The following REL variants were observed in gnomAD, a reference collection of about 807,000 sequenced individuals.
REL encodes the protein REL proto-oncogene, NF-kB subunit, also known as proto-oncogene c-Rel.
In REL, 15 loss-of-function variants were observed where a neutral mutation model predicts 45.9. The ratio of observed to expected loss-of-function variants is 0.33; its 90% CI spans 0.22 to 0.50. The LOEUF (loss-of-function observed/expected upper bound fraction) is 0.50. Among genes scored for constraint, REL ranks in the 20% least tolerant of loss-of-function variants. The probability of loss-of-function intolerance (pLI) is 0.98; values close to 1 mark genes in which losing one functional copy is unlikely to be tolerated. For missense variants in REL, 601 were observed against 715.2 expected (o/e 0.84, Z 1.82); for synonymous variants, 239 against 242.1 (o/e 0.99, Z 0.12).
intron 5 of REL, among the ~76,000 whole-genome samples, chr2:60,917,556 G>A (rs1490938484): frequency 6.8e-6 from 1 of 146,044 alleles, no homozygotes; most frequent in East Asian, 2.0e-4. Context: ...TGGAGACAGG[G>A]TCTCACTCTG....
At chr2:60,907,086 A>AT (rs1307017903) in intron 4 of REL, among the ~76,000 whole-genome samples, 1 of 149,704 alleles carries the variant, frequency 6.7e-6, no homozygotes, top group Non-Finnish European at 1.5e-5. Flanking sequence ...TGCCCAGCTA[A>AT]TTTTTTTTGT....
intron 1 of REL, among the ~76,000 whole-genome samples, chr2:60,889,427 C>G (rs536916888): frequency 7.2e-5 from 11 of 152,088 alleles, no homozygotes; most frequent in African/African-American, 2.7e-4. Flanking sequence ...TCATTGTTTT[C>G]AAGAAAGCAT....
At position 60,929,674 on chromosome 2, in the gene REL, TGGGGGGA is replaced by T. The variant is rs1347763112; in HGVS notation, c.*7150_*7156del. 9.7e-5 allele frequency: 6 copies of T among 62,064 alleles called. No individual in the cohort carries two copies. The highest frequency in any genetic ancestry group is 4.0e-4 in the African/African-American group (6 of 15,068). 3.8% of individuals were successfully genotyped at this position (62,064 alleles called of 1,614,324 possible). On this transcript the variant is annotated 3_prime_UTR_variant, in exon 10 of 10. Coordinates refer to ENST00000394479, the MANE Select transcript of REL (RefSeq NM_001291746.2). Reference sequence around the variant, plus strand: ...TATCACACTGGGGACTGTTGTGGGGTGGGGGGAGGGGGGAGGGATAGCATTGGGAGAT... The same window carrying T: ...TATCACACTGGGGACTGTTGTGGGGTGGGGGGAGGGATAGCATTGGGAGAT...
intron 4 of REL, among the ~76,000 whole-genome samples, chr2:60,906,857 ATGTG>A (rs55837992): frequency 0.26 from 35,951 of 139,750 alleles, 5,706 homozygotes; most frequent in Non-Finnish European, 0.37. Flanking sequence ...GTGTGTATGT[ATGTG>A]TGTGTGTGTG....
At position 60,921,921 on chromosome 2, in the gene REL, G is replaced by A. The variant is rs1674151489; in HGVS notation, c.1150G>A (p.Ala384Thr). The change falls in exon 10 of 10, where the codon GCC (alanine) becomes ACC (threonine). Residue 384 changes from alanine (A) to threonine (T), a missense_variant. Coordinates refer to ENST00000394479, the MANE Select transcript of REL (RefSeq NM_001291746.2). The stretch of plus-strand genomic sequence containing the variant: ...GCCTTCTTCAAGCTGGTCATCAGTG[G>A]CCCACCCCACCCCACGCTCAGGCAA... The part of the protein sequence containing the change: ...PLPSSSWSSV[A>T]HPTPRSGNTN... The A allele has an allele frequency of 6.2e-7, 1 of 1,613,832 alleles. No individual in the cohort carries two copies. Among genetic ancestry groups the A allele is most frequent in the African/African-American group, 1.3e-5 (1 of 74,850 alleles).
rs2103992718 is a variant in REL at position 60,923,502 on chromosome 2, C to G, written c.*967C>G. 4.3e-6 allele frequency: 1 copy of G among 232,646 alleles called. No homozygotes were observed. Among genetic ancestry groups the G allele is most frequent in the African/African-American group, 2.2e-5 (1 of 45,428 alleles). The allele number at this position is 232,646 out of a possible 1,614,324, so 14.4% of individuals were successfully genotyped here. ...TCTAGAAATCTAATTAAAGCTCACACTCAGCATATCCAAAACTGAATTCTT... is the reference window on the plus strand; with the variant it reads ...TCTAGAAATCTAATTAAAGCTCACAGTCAGCATATCCAAAACTGAATTCTT... On this transcript the variant is annotated 3_prime_UTR_variant, in exon 10 of 10. Coordinates refer to ENST00000394479, the MANE Select transcript of REL (RefSeq NM_001291746.2).
chr2:60,894,600 G>C (rs1468965748), intron 3 of REL, 55 bp downstream of exon 3: 5 of 1,325,230 alleles, frequency 3.8e-6, no homozygotes, highest in African/African-American at 1.5e-5. Context: ...AGGATGTTCT[G>C]TTTCTTCTCC....
chr2:60,896,160 T>C (rs765074828), intron 3 of REL, among the ~76,000 whole-genome samples: 1 of 152,046 alleles, frequency 6.6e-6, no homozygotes, highest in Non-Finnish European at 1.5e-5. Context: ...TGTGCCACCA[T>C]GCCCAGCTAA....
intron 4 of REL, among the ~76,000 whole-genome samples, chr2:60,908,121 T>C (rs1558807226): frequency 6.6e-6 from 1 of 152,212 alleles, no homozygotes; most frequent in Non-Finnish European, 1.5e-5. Flanking sequence ...CAATTAATCA[T>C]TGAAAGTTTT....
intron 2 of REL, among the ~76,000 whole-genome samples, chr2:60,892,758 A>G (rs907051927): frequency 1.3e-5 from 2 of 150,572 alleles, no homozygotes; most frequent in Admixed American, 1.3e-4. Context: ...TTATTTTTTT[A>G]TTTTTTATTT....
In REL at chr2:60,921,821, T is replaced by G; in HGVS notation, c.1050T>G (p.Ser350Arg). 1 of 1,614,100 alleles carries G rather than the reference T, an allele frequency of 6.2e-7. No individual in the cohort carries two copies. The highest frequency in any genetic ancestry group is 8.5e-7 in the Non-Finnish European group (1 of 1,179,964). ...GAGAAATGCCTACAGGGGTTTCAAG[T>G]CAAGCAGAATCCTACTATCCCTCAC... ...VVREMPTGVSSQAESYYPSPG... is the reference protein window; with the variant it reads ...VVREMPTGVSRQAESYYPSPG... Residue 350 changes from serine (S) to arginine (R), a missense_variant, in exon 10 of 10, where the codon AGT becomes AGG. Transcript: ENST00000394479.
In REL at chr2:60,922,769, C is replaced by T. The variant is rs1171980788; in HGVS notation, c.*234C>T. On this transcript the variant is annotated 3_prime_UTR_variant, in exon 10 of 10. Coordinates refer to ENST00000394479, the MANE Select transcript of REL (RefSeq NM_001291746.2). Reference sequence around the variant, plus strand: ...ATAAAAAGACAACTCAGAGGCCAGGCGCAGGGGCTCACACCTGTAATCCTA... The same window carrying T: ...ATAAAAAGACAACTCAGAGGCCAGGTGCAGGGGCTCACACCTGTAATCCTA... The T allele has an allele frequency of 3.6e-6, 4 of 1,106,452 alleles. No homozygotes were observed. The highest frequency in any genetic ancestry group is 6.3e-5 in the South Asian group (2 of 31,892). The allele number at this position is 1,106,452 out of a possible 1,614,324, so 68.5% of individuals were successfully genotyped here.
intron 1 of REL, among the ~76,000 whole-genome samples, chr2:60,891,274 C>T (rs776499753): frequency 1.3e-5 from 2 of 152,114 alleles, no homozygotes; most frequent in Non-Finnish European, 2.9e-5. Context: ...ATATTTAACT[C>T]ACTTTAGGAG....
Position 60,922,471 on chromosome 2 carries a change from G to T in REL, c.1700G>T (p.Gly567Val), listed in dbSNP as rs776890028. The T allele has an allele frequency of 1.2e-6, 2 of 1,612,962 alleles. No homozygotes were observed. The highest frequency in any genetic ancestry group is 1.7e-6 in the Non-Finnish European group (2 of 1,179,728). Residue 567 changes from glycine to valine, a missense_variant, in exon 10 of 10, where the codon GGT becomes GTT. Gly to Val is a moderately radical substitution (Grantham distance 109). Transcript: ENST00000394479. ...TTTGTTCAAGATAGTCAGTATTCAGGTATTGGCAGTATGCAAAATGAGCAA... is the reference window on the plus strand; with the variant it reads ...TTTGTTCAAGATAGTCAGTATTCAGTTATTGGCAGTATGCAAAATGAGCAA... The part of the protein sequence containing the change: ...HGFVQDSQYS[G>V]IGSMQNEQLS...
intron 3 of REL, among the ~76,000 whole-genome samples, chr2:60,894,862 T>TG (rs1398011580): frequency 6.7e-6 from 1 of 149,442 alleles, no homozygotes; most frequent in African/African-American, 2.5e-5. Context: ...TTTTTTTTTT[T>TG]TTTTTTTTTT....
intron 4 of REL, among the ~76,000 whole-genome samples, chr2:60,909,269 A>G (rs1673741966): frequency 6.6e-6 from 1 of 152,216 alleles, no homozygotes; most frequent in Non-Finnish European, 1.5e-5. Flanking sequence ...TGAAAGGTTG[A>G]GTAAATTAAT....
rs753144954 is a variant in REL at position 60,901,061 on chromosome 2, G to A, written c.372G>A (p.Lys124=). The A allele has an allele frequency of 1.4e-5, 23 of 1,606,196 alleles. No individual in the cohort carries two copies. The highest frequency in any genetic ancestry group is 1.8e-5 in the Non-Finnish European group (21 of 1,177,068). The change falls in exon 4 of 10, where the codon AAG becomes AAA. Residue 124 remains lysine (K), a synonymous_variant. Transcript: ENST00000394479. ...EVKEAIITRI[K]AGINPFNVPE... Reference sequence around the variant, plus strand: ...AAGAAGCTATTATTACAAGAATAAAGGCAGGAATCAATCCATTCAATGGTA... The same window carrying A: ...AAGAAGCTATTATTACAAGAATAAAAGCAGGAATCAATCCATTCAATGGTA...
In REL at chr2:60,922,281, C is replaced by G. The variant is rs753877088; in HGVS notation, c.1510C>G (p.Leu504Val). 6.2e-7 allele frequency: 1 copy of G among 1,614,150 alleles called. No individual in the cohort carries two copies. The highest frequency in any genetic ancestry group is 2.2e-5 in the East Asian group (1 of 44,886). ...SVLDPRDLRQ[L>V]HQMSSSSMSA... ...GTTAGACCCAAGAGACTTGAGACAG[C>G]TCCATCAGATGTCCTCTTCCAGTAT... is the stretch of plus-strand genomic sequence containing the variant. The change falls in exon 10 of 10, where the codon CTC becomes GTC. Residue 504 changes from leucine to valine, a missense_variant. Physicochemically the swap from Leu to Val is conservative, Grantham distance 32 (BLOSUM62 1). Coordinates refer to ENST00000394479, the MANE Select transcript of REL (RefSeq NM_001291746.2).
intron 3 of REL, among the ~76,000 whole-genome samples, chr2:60,897,310 T>C (rs1451332609): frequency 6.6e-6 from 1 of 151,650 alleles, no homozygotes; most frequent in Non-Finnish European, 1.5e-5. Flanking sequence ...TTTCTTTTTT[T>C]TTTTCCTTTT....
Sources: gnomAD v4.1 joint callset for allele counts (sites outside exome capture counted in the v4.1 genomes callset) on GRCh38, gnomAD v4.1.1 for gene constraint, MANE v1.5 for transcripts, NCBI Gene and HGNC (gene_info 2026-07-23, HGNC 2026-07-21) for gene names.